Variants in MYOM1 observed in about 807,000 individuals in gnomAD.
MYOM1 encodes myomesin 1.
In MYOM1, 164 loss-of-function variants were observed where a neutral mutation model predicts 205.3. That is an observed-to-expected ratio of 0.80 (90% CI 0.70 to 0.91). The LOEUF (loss-of-function observed/expected upper bound fraction) is 0.91. Ranked by LOEUF, MYOM1 falls within the 40% of genes least tolerant of loss-of-function variation. The probability of loss-of-function intolerance (pLI) is 0.00; values close to 1 mark genes in which losing one functional copy is unlikely to be tolerated. For synonymous variants in MYOM1, 772 were observed against 789.4 expected, an observed-to-expected ratio of 0.98 and a Z score of 0.37; for missense variants, 2,011 against 2,127.3, an observed-to-expected ratio of 0.95 and a Z score of 1.08.
intron 12 of MYOM1, among the ~76,000 whole-genome samples, chr18:3,150,024 C>A (rs1416212291): frequency 6.6e-6 from 1 of 152,030 alleles, no homozygotes; most frequent in Non-Finnish European, 1.5e-5. Context: ...AATCAAGGAG[C>A]CTGATGAGAC....
At chr18:3,143,135 A>G (rs941123944) in intron 13 of MYOM1, among the ~76,000 whole-genome samples, 3 of 152,242 alleles carry the variant, frequency 2.0e-5, no homozygotes, top group Admixed American at 2.0e-4. Flanking sequence ...ATATATTAAA[A>G]GCAGATAGAG....
At chr18:3,172,599 T>A (rs2080576417) in intron 8 of MYOM1, among the ~76,000 whole-genome samples, 1 of 152,004 alleles carries the variant, frequency 6.6e-6, no homozygotes, top group Non-Finnish European at 1.5e-5. Flanking sequence ...AACCTCTGCC[T>A]CCCCAGTTCA....
intron 14 of MYOM1, among the ~76,000 whole-genome samples, chr18:3,136,602 T>C (rs1200778653): frequency 1.3e-5 from 2 of 151,674 alleles, no homozygotes; most frequent in African/African-American, 2.4e-5. Flanking sequence ...AATTTTTGTA[T>C]TTTTTTGGTA....
the MYOM1 span, among the ~76,000 whole-genome samples, chr18:3,244,483 C>G: frequency 6.6e-6 from 1 of 152,088 alleles, no homozygotes; most frequent in Non-Finnish European, 1.5e-5. Context: ...ACACTGAAGG[C>G]TCATAAGAGG....
At chr18:3,124,420 A>G (rs2079747177) in intron 19 of MYOM1, among the ~76,000 whole-genome samples, 1 of 148,024 alleles carries the variant, frequency 6.8e-6, no homozygotes, top group Admixed American at 6.8e-5. Flanking sequence ...CTCCTGCCTC[A>G]GCCTCCTGAG....
chr18:3,203,817 C>A (rs893207108), intron 2 of MYOM1, among the ~76,000 whole-genome samples: 1 of 150,094 alleles, frequency 6.7e-6, no homozygotes, highest in Non-Finnish European at 1.5e-5. Flanking sequence ...CAAACAAAGA[C>A]GTTATAATAA....
At chr18:3,217,317 GC>G (rs1421971937) in intron 1 of MYOM1, among the ~76,000 whole-genome samples, 1 of 152,204 alleles carries the variant, frequency 6.6e-6, no homozygotes, top group Non-Finnish European at 1.5e-5. Flanking sequence ...AGAACCAATG[GC>G]ATTTGCTGAA....
At chr18:3,201,018 C>T (rs1358044126) in intron 2 of MYOM1, among the ~76,000 whole-genome samples, 1 of 152,066 alleles carries the variant, frequency 6.6e-6, no homozygotes, top group Non-Finnish European at 1.5e-5. Flanking sequence ...CACAGGGGAA[C>T]AATAATACTG....
Position 3,090,675 on chromosome 18 carries a change from A to G in MYOM1, c.3992T>C (p.Val1331Ala), listed in dbSNP as rs1567900049. 8 of 1,613,964 alleles carry G rather than the reference A, an allele frequency of 5.0e-6. No homozygotes were observed. Among genetic ancestry groups the G allele is most frequent in the Non-Finnish European group, 6.8e-6 (8 of 1,179,862 alleles). ...QDGKATNHST[V>A]VLVGDVFKKL... is the part of the protein sequence containing the mutation. ...ATTCTTACCATCTCCAACGAGAACA[A>G]CAGTAGAATGGTTAGTTGCTTTTCC... Residue 1331 changes from valine to alanine, a missense_variant, in exon 27 of 38, where the codon GTT becomes GCT. Transcript: ENST00000356443.
At chr18:3,145,293 G>A (rs192225298) in intron 13 of MYOM1, among the ~76,000 whole-genome samples, 501 of 148,036 alleles carry the variant, frequency 3.4e-3, no homozygotes, top group Non-Finnish European at 5.7e-3. Flanking sequence ...CTGGGAAACA[G>A]AGTGAGACTC....
the MYOM1 span, among the ~76,000 whole-genome samples, chr18:3,234,448 A>G: frequency 2.0e-5 from 3 of 152,228 alleles, no homozygotes; most frequent in Non-Finnish European, 4.4e-5. Context: ...TATACAGGAC[A>G]TGTTACAAGA....
At chr18:3,089,468 G>A in intron 28 of MYOM1, 69 bp downstream of exon 28, 1 of 1,180,042 alleles carries the variant, frequency 8.5e-7, no homozygotes, top group Non-Finnish European at 1.2e-6. Flanking sequence ...AATTTGTTAT[G>A]GAAATAACCT....
intron 10 of MYOM1, among the ~76,000 whole-genome samples, chr18:3,162,341 G>A (rs117628113): frequency 6.6e-6 from 1 of 152,266 alleles, no homozygotes; most frequent in Non-Finnish European, 1.5e-5. Flanking sequence ...TACCAGGCAA[G>A]TAGGGACCAC....
At chr18:3,239,449 T>A in the MYOM1 span, among the ~76,000 whole-genome samples, 1 of 152,070 alleles carries the variant, frequency 6.6e-6, no homozygotes, top group African/African-American at 2.4e-5. Flanking sequence ...GTTATAAAAC[T>A]GACATCAAAT....
In MYOM1 at chr18:3,080,572, G is replaced by C. The variant is rs1415864824; in HGVS notation, c.4485-1230C>G. Among the ~76,000 whole-genome samples, 5 of 151,864 alleles carry C rather than the reference G, an allele frequency of 3.3e-5. No individual in the cohort carries two copies. The East Asian group carries it at 9.7e-4, about 29-fold the overall frequency. On this transcript the variant is annotated intron_variant, in intron 33 of 37. Coordinates refer to ENST00000356443, the MANE Select transcript of MYOM1 (RefSeq NM_003803.4). The stretch of plus-strand genomic sequence containing the variant: ...GCCTGTAGTCCCAGCTACTCAGGAG[G>C]CTGAGGCAGGAGAATCGCTTGAACC...
rs565758492 is a variant in MYOM1 at position 3,126,043 on chromosome 18, C to T, written c.2991+658G>A. On this transcript the variant is annotated intron_variant, in intron 19 of 37. Transcript: ENST00000356443. ...CAGCACTTTGGGAGGCTGAGGTGAGCGGATCACTTGAGGCCAGGAGTTTGA... is the reference window on the plus strand; with the variant it reads ...CAGCACTTTGGGAGGCTGAGGTGAGTGGATCACTTGAGGCCAGGAGTTTGA... 9.9e-5 allele frequency among the ~76,000 whole-genome samples: 15 copies of T among 152,054 alleles called. 1 individual carries two copies. The South Asian group carries it at 2.3e-3, about 23-fold the overall frequency.
rs1273107446 is a variant in MYOM1, at chr18:3,083,778, C to T, written c.4484+11G>A. 1.3e-6 allele frequency: 2 copies of T among 1,542,006 alleles called. No homozygotes were observed. Among genetic ancestry groups the T allele is most frequent in the African/African-American group, 1.4e-5 (1 of 73,264 alleles). On this transcript the variant is annotated intron_variant, in intron 33 of 37. Transcript: ENST00000356443. Reference sequence around the variant, plus strand: ...AATTTCTACACAGCAAGTAAGTTCTCATTTACTTACTTGTGGGACCAGTTA... The same window carrying T: ...AATTTCTACACAGCAAGTAAGTTCTTATTTACTTACTTGTGGGACCAGTTA...
rs118094824 is a variant in MYOM1 at position 3,178,389 on chromosome 18, G to A, written c.930-2255C>T. Reference sequence around the variant, plus strand: ...GAACAGCAGAGGAGGGATTTGAACCGGCAGCCTGGCTGCTGACCCACATGA... The same window carrying A: ...GAACAGCAGAGGAGGGATTTGAACCAGCAGCCTGGCTGCTGACCCACATGA... On this transcript the variant is annotated intron_variant, in intron 5 of 37. Coordinates refer to ENST00000356443, the MANE Select transcript of MYOM1 (RefSeq NM_003803.4). Among the ~76,000 whole-genome samples the A allele has an allele frequency of 2.0e-3, 310 of 152,298 alleles. 4 individuals are homozygous for A. The highest frequency in any genetic ancestry group is 3.4e-3 in the Non-Finnish European group (234 of 68,018).
intron 21 of MYOM1, among the ~76,000 whole-genome samples, chr18:3,112,854 AGAG>A (rs1325330931): frequency 6.6e-6 from 1 of 152,210 alleles, no homozygotes; most frequent in African/African-American, 2.4e-5. Flanking sequence ...TCTTGGCAAA[AGAG>A]GAGAATTAAA....
Sources: allele counts gnomAD v4.1 joint callset (sites outside exome capture counted in the v4.1 genomes callset), GRCh38; gene constraint gnomAD v4.1.1; transcripts MANE v1.5; gene names NCBI Gene and HGNC (gene_info 2026-07-23, HGNC 2026-07-21).